Variants in ST6GALNAC3 observed in about 807,000 individuals in gnomAD.
ST6GALNAC3 encodes alpha-N-acetylgalactosaminide alpha-2,6-sialyltransferase 3.
In ST6GALNAC3, 25 loss-of-function variants were observed where a neutral mutation model predicts 32.7. The ratio of observed to expected loss-of-function variants is 0.76; its 90% CI spans 0.56 to 1.07. The LOEUF (loss-of-function observed/expected upper bound fraction) is 1.07. Ranked by LOEUF, ST6GALNAC3 falls within the 50% of genes least tolerant of loss-of-function variation. ST6GALNAC3 has a pLI of 0.00. For missense variants in ST6GALNAC3, 355 were observed against 382.4 expected, an observed-to-expected ratio of 0.93 and a Z score of 0.60; for synonymous variants, 129 against 133.1, an observed-to-expected ratio of 0.97 and a Z score of 0.21.
chr1:76,592,722 T>C (rs1480823811), intron 3 of ST6GALNAC3, among the ~76,000 whole-genome samples: 2 of 152,142 alleles, frequency 1.3e-5, no homozygotes, highest in Non-Finnish European at 2.9e-5. Flanking sequence ...CCCAAATTCC[T>C]GCTCTTGCTC....
At chr1:76,351,702 A>G (rs1399987956) in intron 2 of ST6GALNAC3, among the ~76,000 whole-genome samples, 1 of 152,204 alleles carries the variant, frequency 6.6e-6, no homozygotes, top group Non-Finnish European at 1.5e-5. Flanking sequence ...CATATATCCC[A>G]GTTGCCTGGC....
chr1:76,617,359 TC>T (rs1396093778), intron 3 of ST6GALNAC3, among the ~76,000 whole-genome samples: 1 of 151,568 alleles, frequency 6.6e-6, no homozygotes, highest in African/African-American at 2.4e-5. Flanking sequence ...CCTGTTACAA[TC>T]TTTTTTTTTT....
intron 3 of ST6GALNAC3, among the ~76,000 whole-genome samples, chr1:76,473,425 TC>T (rs1252517494): frequency 6.6e-6 from 1 of 152,156 alleles, no homozygotes; most frequent in African/African-American, 2.4e-5. Flanking sequence ...ATTTTTGTGG[TC>T]TGCAGTGTAC....
At chr1:76,430,876 G>A (rs190685737) in intron 3 of ST6GALNAC3, among the ~76,000 whole-genome samples, 5 of 152,220 alleles carry the variant, frequency 3.3e-5, no homozygotes, top group Admixed American at 1.3e-4. Context: ...TTGCCACTTG[G>A]TTCTGCCTGG....
intron 3 of ST6GALNAC3, among the ~76,000 whole-genome samples, chr1:76,456,883 T>C (rs1158035265): frequency 6.6e-6 from 1 of 152,002 alleles, no homozygotes; most frequent in Non-Finnish European, 1.5e-5. Flanking sequence ...AAATAAAGAG[T>C]ATTCAATTAG....
At chr1:76,491,377 G>A (rs538442671) in intron 3 of ST6GALNAC3, among the ~76,000 whole-genome samples, 1 of 152,096 alleles carries the variant, frequency 6.6e-6, no homozygotes, top group Admixed American at 6.5e-5. Flanking sequence ...CACTGTGCTG[G>A]GAAACTTTCA....
chr1:76,245,948 G>A (rs1357315794), intron 1 of ST6GALNAC3, among the ~76,000 whole-genome samples: 1 of 152,140 alleles, frequency 6.6e-6, no homozygotes, highest in African/African-American at 2.4e-5. Flanking sequence ...CTGAGTTGAA[G>A]TCCTGAATAT....
At chr1:76,593,879 G>A (rs553172308) in intron 3 of ST6GALNAC3, among the ~76,000 whole-genome samples, 2 of 152,236 alleles carry the variant, frequency 1.3e-5, no homozygotes, top group East Asian at 3.9e-4. Context: ...TAGGAACAGG[G>A]ATGGCAGAGG....
chr1:76,556,777 A>C (rs371237315), intron 3 of ST6GALNAC3, among the ~76,000 whole-genome samples: 1 of 152,052 alleles, frequency 6.6e-6, no homozygotes, highest in Non-Finnish European at 1.5e-5. Flanking sequence ...CACATCCTTA[A>C]TTATATGTAT....
rs1252601681 is a variant in ST6GALNAC3 at position 76,378,984 on chromosome 1, C to A, written c.214-33024C>A. Among the ~76,000 whole-genome samples the A allele has an allele frequency of 4.6e-5, 7 of 152,270 alleles. No individual in the cohort carries two copies. In the East Asian group the frequency reaches 1.4e-3, roughly 30 times the overall value. On this transcript the variant is annotated intron_variant, in intron 2 of 4. Coordinates refer to ENST00000328299, the MANE Select transcript of ST6GALNAC3 (RefSeq NM_152996.4). ...CGATCTTGGCTCACTGCAACCTCTG[C>A]CGCCCGAGCGGCAAGTGATTCTCCT...
rs541063520 is a variant in ST6GALNAC3 at position 76,565,190 on chromosome 1, A to G, written c.624-62262A>G. Among the ~76,000 whole-genome samples the G allele has an allele frequency of 1.6e-3, 243 of 152,262 alleles. 2 individuals carry two copies. Among genetic ancestry groups the G allele is most frequent in the Middle Eastern group, 6.8e-3 (2 of 294 alleles). ...ATTAAGGGGGCTGCCTATGCTGACA[A>G]CAACTGAGGACACACCCCTTTAAAG... On this transcript the variant is annotated intron_variant, in intron 3 of 4. Coordinates refer to ENST00000328299, the MANE Select transcript of ST6GALNAC3 (RefSeq NM_152996.4).
intron 3 of ST6GALNAC3, among the ~76,000 whole-genome samples, chr1:76,527,625 A>G (rs1662994759): frequency 6.6e-6 from 1 of 152,104 alleles, no homozygotes; most frequent in Admixed American, 6.6e-5. Context: ...GACACTGTCA[A>G]GTCTCTTTAT....
chr1:76,558,471 A>C (rs1665055262), intron 3 of ST6GALNAC3, among the ~76,000 whole-genome samples: 1 of 152,152 alleles, frequency 6.6e-6, no homozygotes, highest in African/African-American at 2.4e-5. Flanking sequence ...CCATAATCCT[A>C]ATCAATTTAA....
intron 1 of ST6GALNAC3, among the ~76,000 whole-genome samples, chr1:76,278,802 C>T (rs1659331849): frequency 6.6e-6 from 1 of 152,114 alleles, no homozygotes; most frequent in Non-Finnish European, 1.5e-5. Context: ...TTTAGGAAAG[C>T]CAAGTAATTT....
In ST6GALNAC3 at chr1:76,628,743, G is replaced by T. The variant is rs779532827; in HGVS notation, c.855G>T (p.Val285=). 1.2e-6 allele frequency: 2 copies of T among 1,612,382 alleles called. No homozygotes were observed. Among genetic ancestry groups the T allele is most frequent in the East Asian group, 4.5e-5 (2 of 44,830 alleles). Reference sequence around the variant, plus strand: ...ATAGGTTTATCACTGAAAAGAAAGTGTTTGCTAAATGGGCCAAGAAGCACA... The same window carrying T: ...ATAGGTTTATCACTGAAAAGAAAGTTTTTGCTAAATGGGCCAAGAAGCACA... ...GGHRFITEKK[V]FAKWAKKHRI... is the part of the protein sequence containing the mutation. Residue 285 remains valine, a synonymous_variant, in exon 5 of 5, where the codon GTG becomes GTT. Transcript: ENST00000328299.
intron 1 of ST6GALNAC3, among the ~76,000 whole-genome samples, chr1:76,133,432 A>G (rs1359472094): frequency 6.6e-6 from 1 of 152,082 alleles, no homozygotes; most frequent in Admixed American, 6.5e-5. Flanking sequence ...CAGTCAAGGG[A>G]TAGTTTTCCT....
At chr1:76,280,514 G>A (rs1659437569) in intron 1 of ST6GALNAC3, among the ~76,000 whole-genome samples, 1 of 152,198 alleles carries the variant, frequency 6.6e-6, no homozygotes, top group Non-Finnish European at 1.5e-5. Flanking sequence ...CAGCTGGGGT[G>A]AGCACTGTGA....
chr1:76,557,073 A>G (rs989217749), intron 3 of ST6GALNAC3, among the ~76,000 whole-genome samples: 3 of 151,854 alleles, frequency 2.0e-5, no homozygotes, highest in Non-Finnish European at 4.4e-5. Context: ...GTCTAACTTC[A>G]CTTTTTTTGC....
At chr1:76,295,206 A>T (rs1397158365) in intron 1 of ST6GALNAC3, among the ~76,000 whole-genome samples, 2 of 152,036 alleles carry the variant, frequency 1.3e-5, no homozygotes, top group African/African-American at 4.8e-5. Flanking sequence ...GCTACCGAAG[A>T]TAGGTATGTT....
Sources: gnomAD v4.1 joint callset for allele counts (sites outside exome capture counted in the v4.1 genomes callset) on GRCh38, gnomAD v4.1.1 for gene constraint, MANE v1.5 for transcripts, NCBI Gene and HGNC (gene_info 2026-07-23, HGNC 2026-07-21) for gene names.